The following SYT14 variants were observed in gnomAD, a reference collection of about 807,000 sequenced individuals.
SYT14 encodes the protein synaptotagmin-14.
SYT14 carries 32 observed loss-of-function variants against 74.2 expected under a neutral mutation model. The observed-to-expected ratio is 0.43, with a 90% CI of 0.33 to 0.58. The LOEUF is 0.58. Ranked by LOEUF, SYT14 falls within the 20% of genes least tolerant of loss-of-function variation. The probability of loss-of-function intolerance (pLI) is 0.05; values close to 1 mark genes in which losing one functional copy is unlikely to be tolerated. For missense variants in SYT14, 791 were observed against 981.8 expected, an observed-to-expected ratio of 0.81 and a Z score of 2.60; for synonymous variants, 298 against 337.7, an observed-to-expected ratio of 0.88 and a Z score of 1.29.
At chr1:210,171,359 G>A (rs1031414757) in exon 10 of SYT14, 1 of 149,356 alleles carries the variant, frequency 6.7e-6, no homozygotes, top group Non-Finnish European at 1.5e-5. Flanking sequence ...ATTATCCAGA[G>A]CCTTTTTTAG....
At chr1:209,994,260 A>G (rs974852118) in intron 2 of SYT14, among the ~76,000 whole-genome samples, 3 of 152,200 alleles carry the variant, frequency 2.0e-5, no homozygotes, top group Non-Finnish European at 1.5e-5. Flanking sequence ...AAGATGATCA[A>G]GGAGCTGAAA....
At chr1:209,969,990 A>C (rs893934403) in intron 2 of SYT14, among the ~76,000 whole-genome samples, 11 of 152,116 alleles carry the variant, frequency 7.2e-5, no homozygotes, top group Non-Finnish European at 1.6e-4. Flanking sequence ...GCAAATATGC[A>C]AATATTTTCT....
intron 2 of SYT14, among the ~76,000 whole-genome samples, chr1:209,984,251 G>A (rs1219147816): frequency 6.6e-6 from 1 of 152,186 alleles, no homozygotes; most frequent in East Asian, 1.9e-4. Flanking sequence ...TGTCCCCATT[G>A]CCAAGGTGGG....
intron 4 of SYT14, chr1:210,017,140 C>T (rs1199882363): frequency 9.2e-7 from 1 of 1,084,066 alleles, no homozygotes; most frequent in East Asian, 3.8e-5. Context: ...TAAATTTTCT[C>T]TTGATTTTTT....
rs149242130 is a variant in SYT14 at position 209,965,264 on chromosome 1, A to G, written c.-486+12508A>G. Among the ~76,000 whole-genome samples the G allele has an allele frequency of 2.4e-4, 36 of 152,048 alleles. No homozygotes were observed. The East Asian group carries it at 5.6e-3, about 24-fold the overall frequency. On this transcript the variant is annotated intron_variant, in intron 2 of 9. Coordinates refer to ENST00000637265, the Ensembl canonical transcript of SYT14. ...CTTCTCTTTTAGAGTCCCCGTGTCT[A>G]TTGTTTCCATCTTTATGTCTGTGTG...
intron 5 of SYT14, among the ~76,000 whole-genome samples, chr1:210,026,959 G>C (rs1054066150): frequency 6.6e-6 from 1 of 152,024 alleles, no homozygotes; most frequent in Non-Finnish European, 1.5e-5. Flanking sequence ...CATAGTTAAA[G>C]TTAGGTATAT....
rs114183125 is a variant in SYT14, at chr1:210,027,308, A to T, written c.1312+6054A>T. Among the ~76,000 whole-genome samples, 13 of 152,052 alleles carry T rather than the reference A, an allele frequency of 8.5e-5. No homozygotes were observed. The South Asian group carries it at 2.5e-3, about 29-fold the overall frequency. ...CCCATGCCTGTAACCTTAATTTCTC[A>T]GGATGCCAAGTCGGGAGGACCACTT... is the stretch of plus-strand genomic sequence containing the variant. On this transcript the variant is annotated intron_variant, in intron 5 of 9. Transcript: ENST00000637265.
chr1:209,980,812 G>A (rs927315886), intron 2 of SYT14, among the ~76,000 whole-genome samples: 1 of 152,192 alleles, frequency 6.6e-6, no homozygotes, highest in African/African-American at 2.4e-5. Flanking sequence ...CTATGTGTCT[G>A]TTCTTGTACC....
intron 2 of SYT14, among the ~76,000 whole-genome samples, chr1:209,968,297 G>A (rs1461681299): frequency 6.6e-6 from 1 of 152,020 alleles, no homozygotes; most frequent in Admixed American, 6.6e-5. Flanking sequence ...GTCACTCTTG[G>A]TGTTCTACAG....
chr1:210,052,593 C>T (rs914993394), intron 5 of SYT14, among the ~76,000 whole-genome samples: 3 of 137,848 alleles, frequency 2.2e-5, no homozygotes, highest in Admixed American at 8.2e-5. Context: ...AACCCAGAGC[C>T]GGAGATTGCA....
intron 1 of SYT14, among the ~76,000 whole-genome samples, chr1:209,939,857 T>G (rs534245686): frequency 1.3e-5 from 2 of 152,318 alleles, no homozygotes; most frequent in East Asian, 3.9e-4. Context: ...TCTTTTCAGT[T>G]TTTTCCGTTT....
Position 210,138,826 on chromosome 1 carries a change from A to G in SYT14, c.2035-16895A>G, listed in dbSNP as rs1247240097. On this transcript the variant is annotated intron_variant, in intron 7 of 9. Transcript: ENST00000637265. ...TTTTCTTGGTCAGTTCAATGAATTA[A>G]TATTCTGACATTGCAAGACAAGGTA... is the stretch of plus-strand genomic sequence containing the variant. 4.6e-5 allele frequency among the ~76,000 whole-genome samples: 7 copies of G among 152,148 alleles called. 1 individual carries two copies. Among genetic ancestry groups the G allele is most frequent in the Non-Finnish European group, 1.0e-4 (7 of 68,016 alleles).
chr1:209,942,361 C>CCG (rs1491518200), intron 1 of SYT14, among the ~76,000 whole-genome samples: 1 of 12,706 alleles, frequency 7.9e-5, no homozygotes, highest in African/African-American at 2.1e-4. Flanking sequence ...TGCAAATTTA[C>CCG]CCCCCCCCCC....
At chr1:209,960,079 T>C (rs1449117327) in intron 2 of SYT14, among the ~76,000 whole-genome samples, 3 of 152,192 alleles carry the variant, frequency 2.0e-5, no homozygotes, top group East Asian at 1.9e-4. Context: ...AATAATGATA[T>C]GCCTGAGACA....
chr1:210,151,974 G>A (rs2083173582), intron 7 of SYT14, among the ~76,000 whole-genome samples: 1 of 152,146 alleles, frequency 6.6e-6, no homozygotes, highest in Non-Finnish European at 1.5e-5. Flanking sequence ...GTAGGTTAAT[G>A]TGAAAAATAC....
At chr1:210,167,410 G>A (rs1312582236) in exon 10 of SYT14, 2 of 152,178 alleles carry the variant, frequency 1.3e-5, no homozygotes, top group African/African-American at 2.4e-5. Flanking sequence ...CAAATAGCAA[G>A]TTAATACAGC....
At chr1:209,987,006 G>A (rs1048373433) in intron 2 of SYT14, among the ~76,000 whole-genome samples, 15 of 152,178 alleles carry the variant, frequency 9.9e-5, no homozygotes, top group African/African-American at 3.1e-4. Context: ...CATAATATGA[G>A]TTACCTTTGC....
Position 210,110,880 on chromosome 1 carries a change from G to A in SYT14, c.2034+10419G>A, listed in dbSNP as rs797020580. 7.7e-4 allele frequency among the ~76,000 whole-genome samples: 117 copies of A among 152,270 alleles called. 1 individual carries two copies. The highest frequency in any genetic ancestry group is 2.7e-3 in the African/African-American group (111 of 41,552). ...CTGCCTCAGCCTCCCGAGTAGCTGGGATTACAGGCATGCGCCACCACACCC... is the reference window on the plus strand; with the variant it reads ...CTGCCTCAGCCTCCCGAGTAGCTGGAATTACAGGCATGCGCCACCACACCC... On this transcript the variant is annotated intron_variant, in intron 7 of 9. Transcript: ENST00000637265.
chr1:210,163,234 CCTAA>C (rs1289282237), exon 10 of SYT14: 1 of 439,468 alleles, frequency 2.3e-6, no homozygotes, highest in Admixed American at 2.4e-5. Context: ...GAGAAAAAGA[CCTAA>C]CTAATTGTTA....
Sources: gnomAD v4.1 joint callset for allele counts (sites outside exome capture counted in the v4.1 genomes callset) on GRCh38, gnomAD v4.1.1 for gene constraint, MANE v1.5 for transcripts, NCBI Gene and HGNC (gene_info 2026-07-23, HGNC 2026-07-21) for gene names.